Variants in SEC23IP observed in about 807,000 individuals in gnomAD.
SEC23IP encodes SEC23 interacting protein.
SEC23IP carries 70 observed loss-of-function variants against 113.4 expected under a neutral mutation model. The ratio of observed to expected loss-of-function variants is 0.62; its 90% CI spans 0.51 to 0.75. The LOEUF (loss-of-function observed/expected upper bound fraction) is 0.75, where lower values mean the gene tolerates loss of function less well. Among genes scored for constraint, SEC23IP ranks in the 30% least tolerant of loss-of-function variants. The pLI, the probability that SEC23IP is intolerant of heterozygous loss-of-function variation, is 0.00. For synonymous variants in SEC23IP, 398 were observed against 421.0 expected, an observed-to-expected ratio of 0.95 and a Z score of 0.67; for missense variants, 1,160 against 1,204.9, an observed-to-expected ratio of 0.96 and a Z score of 0.55.
Position 119,898,780 on chromosome 10 carries a change from C to T in SEC23IP, c.517C>T (p.Gln173Ter). The T allele has an allele frequency of 6.2e-7, 1 of 1,614,172 alleles. No homozygotes were observed. The highest frequency in any genetic ancestry group is 8.5e-7 in the Non-Finnish European group (1 of 1,180,032). ...LPPSYFGNQP[Q>*]GIPQPGYNPY... ...TCCTTCATATTTTGGGAACCAACCC[C>T]AAGGAATTCCCCAACCAGGATACAA... Residue 173 changes from glutamine (Q) to a stop codon, truncating the protein, a stop_gained, in exon 2 of 19, where the codon CAA becomes TAA. Coordinates refer to ENST00000369075, the MANE Select transcript of SEC23IP (RefSeq NM_007190.4). LOFTEE classifies it high-confidence loss of function.
At chr10:119,924,899 T>G (rs1855371391) in intron 12 of SEC23IP, among the ~76,000 whole-genome samples, 1 of 151,960 alleles carries the variant, frequency 6.6e-6, no homozygotes, top group East Asian at 1.9e-4. Context: ...CACCTCATCC[T>G]CCCAAGTAGC....
At chr10:119,901,670 T>G (rs1854502858) in intron 2 of SEC23IP, among the ~76,000 whole-genome samples, 1 of 152,204 alleles carries the variant, frequency 6.6e-6, no homozygotes, top group Non-Finnish European at 1.5e-5. Flanking sequence ...TGTATATCCT[T>G]GGGGATAACT....
At chr10:119,904,936 C>T (rs577005553) in intron 4 of SEC23IP, among the ~76,000 whole-genome samples, 1 of 152,206 alleles carries the variant, frequency 6.6e-6, no homozygotes, top group South Asian at 2.1e-4. Flanking sequence ...AGTTTTGAGA[C>T]CAGCCTGACC....
chr10:119,915,981 T>C, intron 8 of SEC23IP, 92 bp downstream of exon 8: 2 of 1,111,318 alleles, frequency 1.8e-6, no homozygotes, highest in Non-Finnish European at 2.4e-6. Context: ...GTAGCTTCAA[T>C]CAATATGTTT....
intron 2 of SEC23IP, among the ~76,000 whole-genome samples, chr10:119,900,472 G>T (rs1468967702): frequency 6.6e-6 from 1 of 151,884 alleles, no homozygotes. Flanking sequence ...GCCATACCTG[G>T]CTAATTTTTT....
chr10:119,909,516 G>A (rs1044636379), intron 5 of SEC23IP, among the ~76,000 whole-genome samples: 3 of 152,092 alleles, frequency 2.0e-5, no homozygotes, highest in Non-Finnish European at 4.4e-5. Flanking sequence ...AGCCCGAGAG[G>A]TTGAGGCTGC....
At chr10:119,911,448 A>G (rs964162235) in intron 5 of SEC23IP, among the ~76,000 whole-genome samples, 1 of 151,456 alleles carries the variant, frequency 6.6e-6, no homozygotes, top group African/African-American at 2.4e-5. Flanking sequence ...CTTTTGTGTA[A>G]ACCTGGAGTT....
chr10:119,898,794 A>T lies in SEC23IP; in HGVS notation c.531A>T (p.Gln177His), dbSNP rs36060726. 36 of 1,614,142 alleles carry T rather than the reference A, an allele frequency of 2.2e-5. No homozygotes were observed. The Middle Eastern group carries it at 4.9e-4, about 22-fold the overall frequency. Reference sequence around the variant, plus strand: ...GGAACCAACCCCAAGGAATTCCCCAACCAGGATACAATCCATATCGCCATA... The same window carrying T: ...GGAACCAACCCCAAGGAATTCCCCATCCAGGATACAATCCATATCGCCATA... The part of the protein sequence containing the change: ...YFGNQPQGIP[Q>H]PGYNPYRHTP... Residue 177 changes from glutamine (Q) to histidine (H), a missense_variant, in exon 2 of 19, where the codon CAA (glutamine) becomes CAT (histidine). Gln to His is a conservative substitution (Grantham distance 24). Coordinates refer to ENST00000369075, the MANE Select transcript of SEC23IP (RefSeq NM_007190.4).
intron 2 of SEC23IP, among the ~76,000 whole-genome samples, chr10:119,900,198 C>A (rs1283295443): frequency 1.3e-5 from 2 of 151,924 alleles, no homozygotes; most frequent in African/African-American, 4.8e-5. Context: ...AGCTATGAAT[C>A]TCAGGAAATT....
intron 13 of SEC23IP, among the ~76,000 whole-genome samples, chr10:119,928,856 GATAGTTATA>G (rs1855500152): frequency 6.6e-6 from 1 of 152,252 alleles, no homozygotes; most frequent in Non-Finnish European, 1.5e-5. Flanking sequence ...TGGAGAGGAT[GATAGTTATA>G]ATAGTAACAG....
At chr10:119,895,565 T>C (rs1379797070) in intron 1 of SEC23IP, among the ~76,000 whole-genome samples, 1 of 152,160 alleles carries the variant, frequency 6.6e-6, no homozygotes, top group Admixed American at 6.5e-5. Flanking sequence ...GATTGATAGA[T>C]GGCTATGAAT....
Position 119,932,145 on chromosome 10 carries a change from GTC to G in SEC23IP, c.2592_2593del (p.Arg865TyrfsTer4). 6.2e-7 allele frequency: 1 copy of G among 1,607,652 alleles called. No individual in the cohort carries two copies. The highest frequency in any genetic ancestry group is 8.5e-7 in the Non-Finnish European group (1 of 1,174,524). ...TTAATCTCTTTAGAATTGAAAGAGA[GTC>G]TCTCTCGTATGGGATCTGATTTGAA... On this transcript the variant is annotated frameshift_variant, in exon 16 of 19. Transcript: ENST00000369075. LOFTEE classifies it high-confidence loss of function.
chr10:119,930,953 G>A (rs1454000425), intron 15 of SEC23IP, among the ~76,000 whole-genome samples: 1 of 152,218 alleles, frequency 6.6e-6, no homozygotes, highest in Admixed American at 6.5e-5. Context: ...GGGAGGGGTA[G>A]AAGAGAAGGA....
At chr10:119,907,204 G>GA (rs1854702857) in intron 4 of SEC23IP, among the ~76,000 whole-genome samples, 1 of 151,666 alleles carries the variant, frequency 6.6e-6, no homozygotes, top group Non-Finnish European at 1.5e-5. Context: ...GCTGAGGCAG[G>GA]AGTATCTCTT....
chr10:119,904,011 C>T (rs945998533), intron 3 of SEC23IP, 73 bp from the exon 4 acceptor site: 125 of 1,500,864 alleles, frequency 8.3e-5, no homozygotes, highest in Admixed American at 3.2e-4. Context: ...TGAGCCACTG[C>T]GCCCAGCAGA....
intron 18 of SEC23IP, among the ~76,000 whole-genome samples, chr10:119,937,633 AAAAC>A (rs1855840211): frequency 6.6e-6 from 1 of 152,026 alleles, no homozygotes; most frequent in South Asian, 2.1e-4. Flanking sequence ...CTAAAAAAAA[AAAAC>A]AAAAAAACAA....
rs1242835979 is a variant in SEC23IP at position 119,944,604 on chromosome 10, G to C, written c.*4039G>C. Reference sequence around the variant, plus strand: ...TGTTGTTAAGCACGAAATGCAGAGAGAGAGCTATGTGAATGTGTTGAGTGT... The same window carrying C: ...TGTTGTTAAGCACGAAATGCAGAGACAGAGCTATGTGAATGTGTTGAGTGT... On this transcript the variant is annotated 3_prime_UTR_variant, in exon 19 of 19. Transcript: ENST00000369075. 1 of 152,212 alleles carries C rather than the reference G, an allele frequency of 6.6e-6. No individual in the cohort carries two copies. Among genetic ancestry groups the C allele is most frequent in the Non-Finnish European group, 1.5e-5 (1 of 68,042 alleles). 9.4% of individuals were successfully genotyped at this position (152,212 alleles called of 1,614,324 possible).
At chr10:119,899,029 A>C (rs754658090) in intron 2 of SEC23IP, 70 bp downstream of exon 2, 103 of 1,286,464 alleles carry the variant, frequency 8.0e-5, no homozygotes, top group Middle Eastern at 2.1e-4. Context: ...CCTATGTTTT[A>C]AAAAACATTT....
intron 3 of SEC23IP, 84 bp downstream of exon 3, chr10:119,903,093 A>C: frequency 8.8e-7 from 1 of 1,134,288 alleles, no homozygotes; most frequent in South Asian, 1.5e-5. Flanking sequence ...TTTTCTGTGA[A>C]TGTCAAATAC....
Sources: allele counts gnomAD v4.1 joint callset (sites outside exome capture counted in the v4.1 genomes callset), GRCh38; gene constraint gnomAD v4.1.1; transcripts MANE v1.5; gene names NCBI Gene and HGNC (gene_info 2026-07-23, HGNC 2026-07-21).